TNS3: variants seen among roughly 807,000 people sequenced by gnomAD.
TNS3 encodes the protein tensin-3.
In TNS3, 45 loss-of-function variants were observed where a neutral mutation model predicts 140.9. The observed-to-expected ratio is 0.32, with a 90% CI of 0.25 to 0.41. The LOEUF is 0.41. TNS3 is among the 10% of genes least tolerant of loss of function. TNS3 has a pLI of 1.00. For synonymous variants in TNS3, 815 were observed against 788.4 expected (o/e 1.03, Z -0.56); for missense variants, 1,716 against 1,906.7 (o/e 0.90, Z 1.86).
chr7:47,530,823 C>CAAAAA (rs781707373), intron 1 of TNS3, among the ~76,000 whole-genome samples: 4 of 45,010 alleles, frequency 8.9e-5, no homozygotes, highest in Admixed American at 3.6e-4. Context: ...AACTCCATCT[C>CAAAAA]AAAAAAAAAA....
chr7:47,508,266 T>C (rs2151885799), intron 2 of TNS3, among the ~76,000 whole-genome samples: 1 of 152,382 alleles, frequency 6.6e-6, no homozygotes. Context: ...TAGGTTGTTA[T>C]CTTTGTATGA....
intron 23 of TNS3, among the ~76,000 whole-genome samples, chr7:47,301,431 G>A (rs527491442): frequency 6.6e-6 from 1 of 152,218 alleles, no homozygotes; most frequent in East Asian, 1.9e-4. Flanking sequence ...ACAGCATCCA[G>A]GGAGAAAAGC....
In TNS3 at chr7:47,295,816, T is replaced by A. The variant is rs149800538; in HGVS notation, c.3676+1266A>T. ...ACCTCCTGGCAGCCAAATCATACAT[T>A]CCACAGGGTGTAACTCCAAGGCGAT... is the stretch of plus-strand genomic sequence containing the variant. On this transcript the variant is annotated intron_variant, in intron 24 of 30. Coordinates refer to ENST00000311160, the MANE Select transcript of TNS3 (RefSeq NM_022748.12). Among the ~76,000 whole-genome samples, 554 of 152,250 alleles carry A rather than the reference T, an allele frequency of 3.6e-3. 6 individuals are homozygous for A. Among genetic ancestry groups the A allele is most frequent in the African/African-American group, 0.013 (530 of 41,556 alleles).
At chr7:47,490,033 A>C (rs1797753776) in intron 3 of TNS3, among the ~76,000 whole-genome samples, 1 of 152,228 alleles carries the variant, frequency 6.6e-6, no homozygotes. Flanking sequence ...AATGGCTTGC[A>C]AAAAAAGCAA....
At chr7:47,468,750 C>A (rs1301064488) in intron 4 of TNS3, among the ~76,000 whole-genome samples, 1 of 152,126 alleles carries the variant, frequency 6.6e-6, no homozygotes, top group African/African-American at 2.4e-5. Flanking sequence ...TTGTAAAATT[C>A]ATATGGAACC....
At chr7:47,451,516 G>T (rs1796013998) in intron 4 of TNS3, among the ~76,000 whole-genome samples, 1 of 152,174 alleles carries the variant, frequency 6.6e-6, no homozygotes, top group African/African-American at 2.4e-5. Flanking sequence ...AGGAGGTGGA[G>T]ATTGCAGTGA....
At chr7:47,509,695 C>T (rs2151890174) in intron 2 of TNS3, among the ~76,000 whole-genome samples, 1 of 152,168 alleles carries the variant, frequency 6.6e-6, no homozygotes, top group East Asian at 1.9e-4. Flanking sequence ...CAGGAGACAG[C>T]CCCCTGCCTG....
At chr7:47,485,404 G>C (rs1025235034) in intron 3 of TNS3, among the ~76,000 whole-genome samples, 1 of 152,208 alleles carries the variant, frequency 6.6e-6, no homozygotes, top group Admixed American at 6.5e-5. Context: ...GAGGGCCAGC[G>C]CCAGCCACGG....
At chr7:47,280,868 G>A (rs535953697) in intron 28 of TNS3, among the ~76,000 whole-genome samples, 20 of 151,728 alleles carry the variant, frequency 1.3e-4, no homozygotes, top group Non-Finnish European at 1.0e-4. Context: ...GGCTGAGATC[G>A]CTCCACTGCA....
intron 16 of TNS3, 120 bp from the exon 17 acceptor site, chr7:47,369,741 T>C (rs1790944777): frequency 1.7e-6 from 2 of 1,176,832 alleles, no homozygotes; most frequent in Non-Finnish European, 2.3e-6. Context: ...TGACTTACAA[T>C]AAACAAGGAC....
At chr7:47,457,147 A>G (rs1363626089) in intron 4 of TNS3, among the ~76,000 whole-genome samples, 27 of 3,604 alleles carry the variant, frequency 7.5e-3, no homozygotes, top group Non-Finnish European at 9.9e-3. Context: ...AGGGGAGGGG[A>G]GGGGAGGGGA....
At chr7:47,283,212 C>G (rs1785239366) in intron 28 of TNS3, among the ~76,000 whole-genome samples, 2 of 152,226 alleles carry the variant, frequency 1.3e-5, no homozygotes, top group African/African-American at 4.8e-5. Flanking sequence ...TGGAGAACAT[C>G]TGCTCCAGCA....
chr7:47,342,678 G>C (rs1028490706), intron 20 of TNS3, among the ~76,000 whole-genome samples: 1 of 152,222 alleles, frequency 6.6e-6, no homozygotes, highest in African/African-American at 2.4e-5. Context: ...CCACTTACTA[G>C]CTACTCAACT....
rs6957042 is a variant in TNS3, at chr7:47,566,147, T to C, written c.-265+15904A>G. ...AACCCAGAACTGGCATTCCTAACAG[T>C]TTCCAGGGGATGCTAATGCTGGTGT... is the stretch of plus-strand genomic sequence containing the variant. On this transcript the variant is annotated intron_variant, in intron 1 of 30. Coordinates refer to ENST00000311160, the MANE Select transcript of TNS3 (RefSeq NM_022748.12). Among the ~76,000 whole-genome samples the C allele has an allele frequency of 9.3e-3, 1,416 of 152,256 alleles. 20 individuals carry two copies. Among genetic ancestry groups the C allele is most frequent in the African/African-American group, 0.032 (1,343 of 41,532 alleles).
chr7:47,575,976 C>T (rs751707352), intron 1 of TNS3, among the ~76,000 whole-genome samples: 2 of 152,124 alleles, frequency 1.3e-5, no homozygotes, highest in Non-Finnish European at 2.9e-5. Context: ...GCCCTCCTGT[C>T]TCCCTTAGCA....
At chr7:47,330,553 T>C (rs1485481566) in intron 20 of TNS3, among the ~76,000 whole-genome samples, 1 of 151,860 alleles carries the variant, frequency 6.6e-6, no homozygotes, top group African/African-American at 2.4e-5. Context: ...CACTGGGAAG[T>C]CACATCCTTC....
chr7:47,391,416 A>G (rs914716925), intron 16 of TNS3, among the ~76,000 whole-genome samples: 3 of 152,212 alleles, frequency 2.0e-5, no homozygotes, highest in African/African-American at 4.8e-5. Flanking sequence ...GAATATGACA[A>G]ATGGTGTGTA....
At chr7:47,422,113 C>G (rs1794404097) in intron 10 of TNS3, among the ~76,000 whole-genome samples, 1 of 152,032 alleles carries the variant, frequency 6.6e-6, no homozygotes, top group African/African-American at 2.4e-5. Flanking sequence ...TTTACATGCT[C>G]GATTACCATT....
chr7:47,381,700 G>A (rs574945811), intron 16 of TNS3, among the ~76,000 whole-genome samples: 31 of 152,332 alleles, frequency 2.0e-4, no homozygotes, highest in African/African-American at 7.5e-4. Flanking sequence ...GTCGCTTACA[G>A]GAGGTTAAGG....
Sources: gnomAD v4.1 joint callset for allele counts (sites outside exome capture counted in the v4.1 genomes callset) on GRCh38, gnomAD v4.1.1 for gene constraint, MANE v1.5 for transcripts, NCBI Gene and HGNC (gene_info 2026-07-23, HGNC 2026-07-21) for gene names.